The following ABHD6 variants were observed in gnomAD, a reference collection of about 807,000 sequenced individuals.
The protein encoded by ABHD6 is abhydrolase domain containing 6, acylglycerol lipase.
Under a neutral mutation model 38.8 loss-of-function variants are expected in ABHD6, and 33 were observed. The observed-to-expected ratio is 0.85, with a 90% CI of 0.64 to 1.14. ABHD6 has a LOEUF of 1.14. ABHD6 is among the 50% of genes most tolerant of loss of function. ABHD6 has a pLI of 0.00. For missense variants in ABHD6, 380 were observed against 422.6 expected (o/e 0.90, Z 0.88); for synonymous variants, 147 against 161.6 (o/e 0.91, Z 0.69).
At chr3:58,276,670 T>C (rs1483780798) in intron 7 of ABHD6, among the ~76,000 whole-genome samples, 2 of 152,256 alleles carry the variant, frequency 1.3e-5, no homozygotes, top group Non-Finnish European at 2.9e-5. Context: ...TTTGGTGTTT[T>C]AGTCATGAAG....
rs375719615 is a variant in ABHD6, at chr3:58,285,414, C to G, written c.798C>G (p.Ile266Met). The G allele has an allele frequency of 3.3e-5, 53 of 1,614,012 alleles. No individual in the cohort carries two copies. The highest frequency in any genetic ancestry group is 4.2e-5 in the Non-Finnish European group (50 of 1,179,984). ...CTCTCCATCAGAACATGGACAAGAT[C>G]AAGGTTCCGACGCAGATCATCTGGG... ...RYSLHQNMDK[I>M]KVPTQIIWGK... Residue 266 changes from isoleucine (I) to methionine (M), a missense_variant, in exon 9 of 10, where the codon ATC becomes ATG. Physicochemically the swap from Ile to Met is conservative, Grantham distance 10 (BLOSUM62 1). Coordinates refer to ENST00000478253, the MANE Select transcript of ABHD6 (RefSeq NM_001320126.2). This position sits in a 1 kb window ranked among gnomAD's most constrained non-coding sequence, Gnocchi z 4.9.
At chr3:58,275,174 C>T (rs890353920) in intron 7 of ABHD6, among the ~76,000 whole-genome samples, 1 of 151,792 alleles carries the variant, frequency 6.6e-6, no homozygotes, top group African/African-American at 2.4e-5. Flanking sequence ...ACAGCATATG[C>T]AGAGGTGGAA....
Position 58,268,710 on chromosome 3 carries a change from C to A in ABHD6, c.277-611C>A, listed in dbSNP as rs2097442724. 2.0e-5 allele frequency among the ~76,000 whole-genome samples: 3 copies of A among 152,170 alleles called. No homozygotes were observed. The South Asian group carries it at 6.2e-4, about 32-fold the overall frequency. Reference sequence around the variant, plus strand: ...TCCTGTCCCCTCCTCAGATAAATATCTTTCTTATAACTGGATGTTTGTTTG... The same window carrying A: ...TCCTGTCCCCTCCTCAGATAAATATATTTCTTATAACTGGATGTTTGTTTG... On this transcript the variant is annotated intron_variant, in intron 4 of 9. Coordinates refer to ENST00000478253, the MANE Select transcript of ABHD6 (RefSeq NM_001320126.2).
At chr3:58,286,710 C>T (rs1011052064) in intron 9 of ABHD6, among the ~76,000 whole-genome samples, 26 of 151,230 alleles carry the variant, frequency 1.7e-4, no homozygotes, top group African/African-American at 6.3e-4. Context: ...TATATATATG[C>T]ATACCTATAC....
In ABHD6 at chr3:58,273,567, C is replaced by T. The variant is rs750298321; in HGVS notation, c.524-1091C>T. Among the ~76,000 whole-genome samples, 3 of 152,150 alleles carry T rather than the reference C, an allele frequency of 2.0e-5. No individual in the cohort carries two copies. Among genetic ancestry groups the T allele is most frequent in the Non-Finnish European group, 4.4e-5 (3 of 68,032 alleles). Reference sequence around the variant, plus strand: ...GCCATAAAAAAGAATGATTTCATGTCCTTTGCAAGGACATGGATGAAGCTG... The same window carrying T: ...GCCATAAAAAAGAATGATTTCATGTTCTTTGCAAGGACATGGATGAAGCTG... On this transcript the variant is annotated intron_variant, in intron 6 of 9. Coordinates refer to ENST00000478253, the MANE Select transcript of ABHD6 (RefSeq NM_001320126.2). This position sits in a 1 kb window ranked among gnomAD's most constrained non-coding sequence, Gnocchi z 4.8.
In ABHD6 at chr3:58,256,437, G is replaced by A. The variant is rs545017456; in HGVS notation, c.-25-125G>A. 1.8e-6 allele frequency: 1 copy of A among 558,284 alleles called. No homozygotes were observed. The highest frequency in any genetic ancestry group is 3.1e-5 in the East Asian group (1 of 32,278). The allele number at this position is 558,284 out of a possible 1,614,324, so 34.6% of individuals were successfully genotyped here. A position where few individuals can be genotyped will look rare whatever the true frequency, so the allele number is the denominator to read the frequency against. ...TTGGTTTTTTGTAAAGCACTTGCCTGCTTTGGTTTCCTCCTGTTCTTTACC... is the reference window on the plus strand; with the variant it reads ...TTGGTTTTTTGTAAAGCACTTGCCTACTTTGGTTTCCTCCTGTTCTTTACC... On this transcript the variant is annotated intron_variant, in intron 2 of 9. Coordinates refer to ENST00000478253, the MANE Select transcript of ABHD6 (RefSeq NM_001320126.2). The surrounding 1 kb of genome is among the most constrained non-coding windows in gnomAD (Gnocchi z 4.3).
chr3:58,293,265 C>T lies in ABHD6; in HGVS notation c.838-324C>T, dbSNP rs1349983482. On this transcript the variant is annotated intron_variant, in intron 9 of 9. Coordinates refer to ENST00000478253, the MANE Select transcript of ABHD6 (RefSeq NM_001320126.2). This position sits in a 1 kb window ranked among gnomAD's most constrained non-coding sequence, Gnocchi z 4.4. ...CCCGGGACTCAGGAACGAGGTCTTCCCTCGACCCTGCTCATCCCCTGTGCT... is the reference window on the plus strand; with the variant it reads ...CCCGGGACTCAGGAACGAGGTCTTCTCTCGACCCTGCTCATCCCCTGTGCT... 6.6e-6 allele frequency among the ~76,000 whole-genome samples: 1 copy of T among 152,154 alleles called. No homozygotes were observed. The highest frequency in any genetic ancestry group is 2.4e-5 in the African/African-American group (1 of 41,424).
In ABHD6 at chr3:58,263,136, A is replaced by T. The variant is rs886485645; in HGVS notation, c.120-4053A>T. ...AGTGGGAGAATCGTTTGAAAGCAGA[A>T]GGTGGAGGTTGCAGTGAGCCGAGAT... On this transcript the variant is annotated intron_variant, in intron 3 of 9. Coordinates refer to ENST00000478253, the MANE Select transcript of ABHD6 (RefSeq NM_001320126.2). This position sits in a 1 kb window ranked among gnomAD's most constrained non-coding sequence, Gnocchi z 4.9. Among the ~76,000 whole-genome samples, 2 of 152,210 alleles carry T rather than the reference A, an allele frequency of 1.3e-5. No homozygotes were observed. The highest frequency in any genetic ancestry group is 4.8e-5 in the African/African-American group (2 of 41,456).
At chr3:58,268,392 A>C (rs1316441359) in intron 4 of ABHD6, among the ~76,000 whole-genome samples, 1 of 152,108 alleles carries the variant, frequency 6.6e-6, no homozygotes, top group Non-Finnish European at 1.5e-5. Flanking sequence ...CATTTAGAGA[A>C]ACAGTCTTGA....
Position 58,266,758 on chromosome 3 carries a change from C to G in ABHD6, c.120-431C>G, listed in dbSNP as rs1003108721. 6.6e-6 allele frequency among the ~76,000 whole-genome samples: 1 copy of G among 152,100 alleles called. No homozygotes were observed. The highest frequency in any genetic ancestry group is 1.5e-5 in the Non-Finnish European group (1 of 68,020). On this transcript the variant is annotated intron_variant, in intron 3 of 9. Transcript: ENST00000478253. The surrounding 1 kb of genome is among the most constrained non-coding windows in gnomAD (Gnocchi z 4.0). The stretch of plus-strand genomic sequence containing the variant: ...ATTTTGGGCCAAAGTCCAGCACTGC[C>G]AAGTCTTATGTAACCAGCAGAAGCT...
intron 7 of ABHD6, 101 bp from the exon 8 acceptor site, chr3:58,284,984 T>C (rs749419645): frequency 2.7e-6 from 3 of 1,100,690 alleles, no homozygotes; most frequent in Non-Finnish European, 2.8e-6. Flanking sequence ...GACAGTGCAA[T>C]AAATTGCTGG....
chr3:58,256,620 G>A lies in ABHD6; in HGVS notation c.34G>A (p.Ala12Thr). Residue 12 changes from alanine to threonine, a missense_variant, in exon 3 of 10, where the codon GCG (alanine) becomes ACG (threonine). Transcript: ENST00000478253. This position sits in a 1 kb window ranked among gnomAD's most constrained non-coding sequence, Gnocchi z 4.3. The stretch of plus-strand genomic sequence containing the variant: ...TGATGTGGTTAACATGTTTGTGATT[G>A]CGGGCGGCACGCTGGCCATCCCAAT... ...DLDVVNMFVIAGGTLAIPILA... is the reference protein window; with the variant it reads ...DLDVVNMFVITGGTLAIPILA... The A allele has an allele frequency of 6.2e-7, 1 of 1,614,076 alleles. No homozygotes were observed. Among genetic ancestry groups the A allele is most frequent in the Non-Finnish European group, 8.5e-7 (1 of 1,180,002 alleles).
intron 7 of ABHD6, among the ~76,000 whole-genome samples, chr3:58,276,526 A>G (rs1003858728): frequency 6.6e-6 from 1 of 151,966 alleles, no homozygotes; most frequent in African/African-American, 2.4e-5. Context: ...CCTTTGTCAG[A>G]TGGGTAGATT....
In ABHD6 at chr3:58,274,908, A is replaced by G. The variant is rs939046496; in HGVS notation, c.681+93A>G. On this transcript the variant is annotated intron_variant, in intron 7 of 9. Coordinates refer to ENST00000478253, the MANE Select transcript of ABHD6 (RefSeq NM_001320126.2). The stretch of plus-strand genomic sequence containing the variant: ...CACGTATTCCCTCCTTCACCTACTC[A>G]TTGACTACTTCTTGTCCTCTTCTGC... 1.2e-4 allele frequency: 167 copies of G among 1,415,242 alleles called. 1 individual carries two copies. Among genetic ancestry groups the G allele is most frequent in the Admixed American group, 1.8e-4 (9 of 49,344 alleles). The allele number at this position is 1,415,242 out of a possible 1,614,324, so 87.7% of individuals were successfully genotyped here.
intron 3 of ABHD6, among the ~76,000 whole-genome samples, chr3:58,262,074 G>A (rs1346007914): frequency 6.6e-6 from 1 of 152,200 alleles, no homozygotes; most frequent in African/African-American, 2.4e-5. Flanking sequence ...ACTGTGCTAA[G>A]TGAAACTAAC....
intron 3 of ABHD6, among the ~76,000 whole-genome samples, chr3:58,264,139 CTAATA>C (rs1184463898): frequency 6.6e-6 from 1 of 152,080 alleles, no homozygotes; most frequent in African/African-American, 2.4e-5. Flanking sequence ...GGTAGTTTAT[CTAATA>C]TATTTCCTAT....
intron 9 of ABHD6, among the ~76,000 whole-genome samples, chr3:58,292,335 G>A (rs761419302): frequency 1.3e-5 from 2 of 152,192 alleles, no homozygotes; most frequent in African/African-American, 2.4e-5. Flanking sequence ...TGCTTTTGCC[G>A]TTAAGGATGG....
At chr3:58,291,391 T>C (rs2107484195) in intron 9 of ABHD6, among the ~76,000 whole-genome samples, 1 of 151,080 alleles carries the variant, frequency 6.6e-6, no homozygotes, top group Middle Eastern at 3.4e-3. Context: ...AGGGAGACCG[T>C]GGGGAGAGGG....
chr3:58,280,670 C>T (rs915849590), intron 7 of ABHD6, among the ~76,000 whole-genome samples: 2 of 152,180 alleles, frequency 1.3e-5, no homozygotes, highest in South Asian at 2.1e-4. Flanking sequence ...GGAGAAGAGG[C>T]GCTCTGGTTT....
Sources: allele counts gnomAD v4.1 joint callset (sites outside exome capture counted in the v4.1 genomes callset), GRCh38; gene constraint gnomAD v4.1.1; non-coding constraint Gnocchi (gnomAD v3.1); transcripts MANE v1.5; gene names NCBI Gene and HGNC (gene_info 2026-07-23, HGNC 2026-07-21).